ZEB1: variants seen among roughly 807,000 people sequenced by gnomAD.
ZEB1 encodes zinc finger E-box binding homeobox 1, also known as zinc finger E-box-binding homeobox 1.
Under a neutral mutation model 84.9 loss-of-function variants are expected in ZEB1, and 21 were observed. The ratio of observed to expected loss-of-function variants is 0.25; its 90% CI spans 0.18 to 0.36. The LOEUF (loss-of-function observed/expected upper bound fraction) is 0.36. Ranked by LOEUF, ZEB1 falls within the 10% of genes least tolerant of loss-of-function variation. ZEB1 has a pLI of 1.00. For synonymous variants in ZEB1, 420 were observed against 471.1 expected, an observed-to-expected ratio of 0.89 and a Z score of 1.41; for missense variants, 1,104 against 1,330.2, an observed-to-expected ratio of 0.83 and a Z score of 2.65.
In ZEB1 at chr10:31,417,654, A is replaced by T. The variant is rs553222047; in HGVS notation, c.59-43383A>T. ...AAGTTTCTAATATTTACTGTCTTCC[A>T]TATTTCCTGATGTTTTGTTTATTTT... On this transcript the variant is annotated intron_variant, in intron 1 of 8. Coordinates refer to ENST00000424869, the MANE Select transcript of ZEB1 (RefSeq NM_001174096.2). 5.3e-5 allele frequency among the ~76,000 whole-genome samples: 8 copies of T among 152,264 alleles called. No homozygotes were observed. In the East Asian group the frequency reaches 1.5e-3, roughly 29 times the overall value.
chr10:31,468,424 C>T (rs2062714784), intron 2 of ZEB1, among the ~76,000 whole-genome samples: 1 of 152,200 alleles, frequency 6.6e-6, no homozygotes, highest in Admixed American at 6.5e-5. Flanking sequence ...TATCATTGCA[C>T]AGCACTCAGA....
intron 7 of ZEB1, 83 bp from the exon 8 acceptor site, chr10:31,523,850 G>C: frequency 2.1e-6 from 3 of 1,456,416 alleles, no homozygotes; most frequent in Non-Finnish European, 2.9e-6. Context: ...AGTTAAAGTA[G>C]TTCTTTATCT....
Position 31,521,431 on chromosome 10 carries a change from G to A in ZEB1, c.2099G>A (p.Arg700Lys). 1 of 1,614,106 alleles carries A rather than the reference G, an allele frequency of 6.2e-7. No homozygotes were observed. Among genetic ancestry groups the A allele is most frequent in the Non-Finnish European group, 8.5e-7 (1 of 1,180,016 alleles). Residue 700 changes from arginine (R) to lysine (K), a missense_variant, in exon 7 of 9, where the codon AGA becomes AAA. Transcript: ENST00000424869. ...GTGGGATCAACCACCAATGGTTCCA[G>A]AAGTAGTACACCATCCCCATCACCT... ...LPVGSTTNGSRSSTPSPSPLN... is the reference protein window; with the variant it reads ...LPVGSTTNGSKSSTPSPSPLN...
chr10:31,449,474 T>G (rs2060264227), intron 1 of ZEB1, among the ~76,000 whole-genome samples: 2 of 152,060 alleles, frequency 1.3e-5, no homozygotes, highest in African/African-American at 4.8e-5. Flanking sequence ...ATGGTTTCAG[T>G]TTTTTTTCTA....
chr10:31,524,182 A>G, intron 8 of ZEB1, 69 bp downstream of exon 8: 2 of 1,494,910 alleles, frequency 1.3e-6, no homozygotes, highest in Admixed American at 2.0e-5. Context: ...ATTAAAAACT[A>G]AAGTTTTAGA....
intron 1 of ZEB1, chr10:31,362,972 G>C (rs896328965): frequency 6.5e-7 from 1 of 1,533,930 alleles, no homozygotes; most frequent in Admixed American, 2.0e-5. Context: ...AGTGCCTCAG[G>C]AGATAGACAT....
rs560373854 is a variant in ZEB1, at chr10:31,349,233, G to A, written c.58+29941G>A. ...AATGTCCTCCAGGTTCATCCGTGTC[G>A]TTGCAACTGACAGGATTTTCTTCTC... On this transcript the variant is annotated intron_variant, in intron 1 of 8. Transcript: ENST00000424869. 2.4e-3 allele frequency among the ~76,000 whole-genome samples: 370 copies of A among 152,182 alleles called. 2 individuals carry two copies. Among genetic ancestry groups the A allele is most frequent in the African/African-American group, 8.6e-3 (355 of 41,518 alleles).
At chr10:31,475,429 T>TA (rs1305363910) in intron 2 of ZEB1, among the ~76,000 whole-genome samples, 1 of 152,136 alleles carries the variant, frequency 6.6e-6, no homozygotes, top group Non-Finnish European at 1.5e-5. Context: ...GACATCAAGA[T>TA]ACAAGAAATT....
chr10:31,457,744 G>T (rs370538434), intron 1 of ZEB1, among the ~76,000 whole-genome samples: 3 of 152,120 alleles, frequency 2.0e-5, no homozygotes, highest in East Asian at 3.9e-4. Context: ...AGAACACCCA[G>T]TATCTCTGGT....
chr10:31,444,368 G>T (rs1038588379), intron 1 of ZEB1, among the ~76,000 whole-genome samples: 85 of 150,684 alleles, frequency 5.6e-4, no homozygotes, highest in African/African-American at 1.8e-3. Flanking sequence ...TAGGTTGCCT[G>T]TTCACTCTGA....
intron 1 of ZEB1, among the ~76,000 whole-genome samples, chr10:31,375,584 C>T: frequency 6.6e-6 from 1 of 151,762 alleles, no homozygotes; most frequent in East Asian, 1.9e-4. Context: ...CAAAATTCTA[C>T]CAATAGTCAT....
At chr10:31,354,187 A>G (rs934457142) in intron 1 of ZEB1, among the ~76,000 whole-genome samples, 1 of 152,160 alleles carries the variant, frequency 6.6e-6, no homozygotes, top group Non-Finnish European at 1.5e-5. Context: ...TTCTGAAACA[A>G]TGATATTGGA....
chr10:31,529,214 C>G lies in ZEB1; in HGVS notation c.*1950C>G, dbSNP rs965197786. On this transcript the variant is annotated 3_prime_UTR_variant, in exon 9 of 9. Transcript: ENST00000424869. ...TCAACAAGCCTGAACTGCTGTCATTCTTTTCATCATTATCAGTATTTTCTT... is the reference window on the plus strand; with the variant it reads ...TCAACAAGCCTGAACTGCTGTCATTGTTTTCATCATTATCAGTATTTTCTT... The G allele has an allele frequency of 6.6e-6, 1 of 152,186 alleles. No homozygotes were observed. The highest frequency in any genetic ancestry group is 1.5e-5 in the Non-Finnish European group (1 of 68,030). The allele number at this position is 152,186 out of a possible 1,614,324, so 9.4% of individuals were successfully genotyped here.
intron 2 of ZEB1, among the ~76,000 whole-genome samples, chr10:31,487,654 T>C (rs937704639): frequency 4.0e-5 from 6 of 151,424 alleles, no homozygotes; most frequent in Non-Finnish European, 7.4e-5. Flanking sequence ...TATTGACTTA[T>C]TGCAAGACAT....
chr10:31,386,358 A>G (rs1436148941), intron 1 of ZEB1, among the ~76,000 whole-genome samples: 1 of 151,714 alleles, frequency 6.6e-6, no homozygotes, highest in African/African-American at 2.4e-5. Context: ...TATTTAATAT[A>G]TAATTAAACA....
At position 31,402,754 on chromosome 10, in the gene ZEB1, G is replaced by A. The variant is rs181554915; in HGVS notation, c.59-58283G>A. Among the ~76,000 whole-genome samples, 15 of 152,116 alleles carry A rather than the reference G, an allele frequency of 9.9e-5. No individual in the cohort carries two copies. In the East Asian group the frequency reaches 2.9e-3, roughly 29 times the overall value. On this transcript the variant is annotated intron_variant, in intron 1 of 8. Transcript: ENST00000424869. ...GGATAAAGTGCTCAGTCTTGAGTCT[G>A]TTGGAGATTAAACTTTCCTGACTCC...
At chr10:31,319,468 A>AGCCGC in intron 1 of ZEB1, 176 bp downstream of exon 1, 4 of 645,408 alleles carry the variant, frequency 6.2e-6, no homozygotes, top group Non-Finnish European at 1.1e-5. Flanking sequence ...CCGCTGCCGG[A>AGCCGC]GCCGCGCCGC....
chr10:31,476,189 A>G (rs1281689401), intron 2 of ZEB1, among the ~76,000 whole-genome samples: 1 of 152,040 alleles, frequency 6.6e-6, no homozygotes, highest in Non-Finnish European at 1.5e-5. Flanking sequence ...CTTTGAATGG[A>G]TAAACAAAAT....
intron 2 of ZEB1, among the ~76,000 whole-genome samples, chr10:31,494,632 G>A (rs991056403): frequency 2.9e-4 from 44 of 151,728 alleles, no homozygotes; most frequent in Non-Finnish European, 5.9e-4. Context: ...ACACTATTTC[G>A]GTGTGACTGT....
Sources: allele counts gnomAD v4.1 joint callset (sites outside exome capture counted in the v4.1 genomes callset), GRCh38; gene constraint gnomAD v4.1.1; transcripts MANE v1.5; gene names NCBI Gene and HGNC (gene_info 2026-07-23, HGNC 2026-07-21).